Variants in C1orf54 observed in about 807,000 individuals in gnomAD.
C1orf54 encodes the protein uncharacterized protein C1orf54.
In C1orf54, 12 loss-of-function variants were observed where a neutral mutation model predicts 14.7. The observed-to-expected ratio is 0.82, with a 90% CI of 0.52 to 1.32. The LOEUF (loss-of-function observed/expected upper bound fraction) is 1.32, where lower values mean the gene tolerates loss of function less well. Among genes scored for constraint, C1orf54 ranks in the 40% most tolerant of loss-of-function variants. The pLI is 0.00. For missense variants in C1orf54, 163 were observed against 162.2 expected (o/e 1.00, Z -0.03); for synonymous variants, 65 against 56.3 (o/e 1.16, Z -0.70).
upstream of C1orf54, among the ~76,000 whole-genome samples, chr1:150,272,020 G>A (rs1459415625): frequency 2.0e-5 from 3 of 152,068 alleles, no homozygotes; most frequent in South Asian, 2.1e-4. Context: ...CGCGCCTGTA[G>A]TCCCAGCTAC....
Position 150,279,749 on chromosome 1 carries a change from T to C in C1orf54, c.*3+8T>C. On this transcript the variant is annotated splice_region_variant and intron_variant, in intron 5 of 5. Coordinates refer to ENST00000369099, the MANE Select transcript of C1orf54 (RefSeq NM_024579.4). ...ATGTATTTCATGTAGAAGGTAAGAGTGCAGCCACTGGCTTTGGGGGAGTCT... is the reference window on the plus strand; with the variant it reads ...ATGTATTTCATGTAGAAGGTAAGAGCGCAGCCACTGGCTTTGGGGGAGTCT... 6.2e-7 allele frequency: 1 copy of C among 1,600,242 alleles called. No individual in the cohort carries two copies. The highest frequency in any genetic ancestry group is 8.5e-7 in the Non-Finnish European group (1 of 1,169,986).
chr1:150,276,484 C>T (rs376397420), intron 3 of C1orf54, 38 bp from the exon 4 acceptor site: 2 of 1,527,446 alleles, frequency 1.3e-6, no homozygotes, highest in Non-Finnish European at 1.8e-6. Flanking sequence ...GATGGAAAAA[C>T]TGATAACTCT....
At position 150,272,895 on chromosome 1, in the gene C1orf54, C is replaced by T; in HGVS notation, c.46+32C>T. On this transcript the variant is annotated intron_variant, in intron 1 of 5. Transcript: ENST00000369099. ...CCACTCCTCTCTCTGAGCTTTTGTG[C>T]CAGGTCTTCTACCATAAATGGGGTG... 4 of 1,612,308 alleles carry T rather than the reference C, an allele frequency of 2.5e-6. No homozygotes were observed. The Middle Eastern group carries it at 6.6e-4, about 266-fold the overall frequency.
chr1:150,280,816 T>A lies in C1orf54; in HGVS notation c.*4-19T>A. 2 of 1,548,788 alleles carry A rather than the reference T, an allele frequency of 1.3e-6. No individual in the cohort carries two copies. The highest frequency in any genetic ancestry group is 1.7e-6 in the Non-Finnish European group (2 of 1,146,110). On this transcript the variant is annotated intron_variant, in intron 5 of 5. Coordinates refer to ENST00000369099, the MANE Select transcript of C1orf54 (RefSeq NM_024579.4). ...GTCTCCTGACTCCTTTTATTTTCTT[T>A]CTTTCTCTGCTTTTTTAGGTGGAAG...
rs782763677 is a variant in C1orf54 at position 150,276,611 on chromosome 1, GAAA to G, written c.280_282del (p.Lys94del). On this transcript the variant is annotated inframe_deletion, in exon 4 of 6. Transcript: ENST00000369099. ...CAGACCATCCGAAGCCTGTAACTGT[GAAA>G]CCAGTAACAACGGAACCTGTGAGTT... The G allele has an allele frequency of 6.2e-7, 1 of 1,613,794 alleles. No individual in the cohort carries two copies. Among genetic ancestry groups the G allele is most frequent in the Admixed American group, 1.7e-5 (1 of 60,014 alleles).
intron 4 of C1orf54, among the ~76,000 whole-genome samples, chr1:150,277,362 G>A (rs981098162): frequency 2.0e-5 from 3 of 151,960 alleles, no homozygotes; most frequent in East Asian, 1.9e-4. Flanking sequence ...AGTTAGCCAG[G>A]CGTGGTGGTG....
chr1:150,273,957 G>A, intron 1 of C1orf54, 130 bp from the exon 2 acceptor site: 1 of 670,674 alleles, frequency 1.5e-6, no homozygotes. Context: ...TATGACTATT[G>A]GAGGAGAGAG....
chr1:150,275,591 C>T (rs1652584864), intron 2 of C1orf54, 150 bp from the exon 3 acceptor site: 4 of 602,148 alleles, frequency 6.6e-6, no homozygotes, highest in Middle Eastern at 4.7e-4. Flanking sequence ...CATTCACAGT[C>T]ATTTTTAACA....
At chr1:150,278,218 G>A (rs1466737353) in intron 4 of C1orf54, among the ~76,000 whole-genome samples, 1 of 152,222 alleles carries the variant, frequency 6.6e-6, no homozygotes, top group Non-Finnish European at 1.5e-5. Flanking sequence ...ATTATGAATG[G>A]AGAGGAGAAA....
chr1:150,271,453 A>G (rs1652200758), upstream of C1orf54, among the ~76,000 whole-genome samples: 1 of 152,236 alleles, frequency 6.6e-6, no homozygotes, highest in Non-Finnish European at 1.5e-5. Flanking sequence ...GACCATTGAC[A>G]GGAGGCTGTA....
chr1:150,277,646 A>T (rs1652779635), intron 4 of C1orf54, among the ~76,000 whole-genome samples: 1 of 152,032 alleles, frequency 6.6e-6, no homozygotes, highest in African/African-American at 2.4e-5. Context: ...AAAATATAAA[A>T]TTTACAAGGC....
In C1orf54 at chr1:150,275,752, G is replaced by A. The variant is rs1553852321; in HGVS notation, c.142G>A (p.Ala48Thr). 1.9e-6 allele frequency: 3 copies of A among 1,611,462 alleles called. No homozygotes were observed. The South Asian group carries it at 3.3e-5, about 18-fold the overall frequency. The change falls in exon 3 of 6, where the codon GCA (alanine) becomes ACA (threonine). Residue 48 changes from alanine (A) to threonine (T), a missense_variant. Physicochemically the swap from Ala to Thr is moderately conservative, Grantham distance 58 (BLOSUM62 0). Transcript: ENST00000369099. ...TVTPSYDDFS[A>T]DFTIDYSIFE... ...TTTCTCCTCTGCAGATGACTTTAGT[G>A]CAGATTTCACCATTGATTACTCCAT...
chr1:150,279,510 A>G (rs1560046372), intron 4 of C1orf54, 133 bp from the exon 5 acceptor site: 3 of 842,236 alleles, frequency 3.6e-6, no homozygotes, highest in Non-Finnish European at 5.7e-6. Flanking sequence ...GGAAGGATGG[A>G]TCTTTCTCTA....
At chr1:150,272,967 G>A in intron 1 of C1orf54, 104 bp downstream of exon 1, 1 of 1,285,174 alleles carries the variant, frequency 7.8e-7, no homozygotes, top group South Asian at 1.2e-5. Context: ...TCAGTGGGGA[G>A]CGATAGAGTT....
In C1orf54 at chr1:150,279,663, C is replaced by A. The variant is rs1437016863; in HGVS notation, c.321C>A (p.Ala107=). Residue 107 remains alanine (A), a synonymous_variant, in exon 5 of 6, where the codon GCC becomes GCA. Coordinates refer to ENST00000369099, the MANE Select transcript of C1orf54 (RefSeq NM_024579.4). ...TTEPSPDLND[A]VSSLRSPIPL... is the part of the protein sequence containing the mutation. ...AGCAGAGTCCAGATCTGAACGATGC[C>A]GTGTCCAGTTTGCGAAGTCCTATTC... The A allele has an allele frequency of 1.2e-6, 2 of 1,612,502 alleles. No homozygotes were observed. Among genetic ancestry groups the A allele is most frequent in the Admixed American group, 3.3e-5 (2 of 59,772 alleles).
At chr1:150,280,788 C>G in intron 5 of C1orf54, 47 bp from the exon 6 acceptor site, 2 of 1,484,402 alleles carry the variant, frequency 1.3e-6, no homozygotes, top group Non-Finnish European at 1.8e-6. Context: ...AGGGGTTTCT[C>G]GGGTCTCCTG....
chr1:150,268,790 G>A (rs1238885368), upstream of C1orf54: 3 of 1,613,296 alleles, frequency 1.9e-6, no homozygotes, highest in African/African-American at 4.0e-5. Context: ...AAGTGCAGCC[G>A]AAAAACACCG....
chr1:150,272,588 T>A, upstream of C1orf54: 1 of 561,618 alleles, frequency 1.8e-6, no homozygotes. Flanking sequence ...AAGAAACATG[T>A]TTGCATCAAA....
chr1:150,279,669 C>G lies in C1orf54; in HGVS notation c.327C>G (p.Ser109=), dbSNP rs1652942383. Residue 109 remains serine, a synonymous_variant, in exon 5 of 6, where the codon TCC becomes TCG. Coordinates refer to ENST00000369099, the MANE Select transcript of C1orf54 (RefSeq NM_024579.4). ...EPSPDLNDAV[S]SLRSPIPLLL... ...GTCCAGATCTGAACGATGCCGTGTC[C>G]AGTTTGCGAAGTCCTATTCCCCTCC... The G allele has an allele frequency of 1.9e-6, 3 of 1,612,720 alleles. No individual in the cohort carries two copies. Among genetic ancestry groups the G allele is most frequent in the Non-Finnish European group, 2.5e-6 (3 of 1,179,424 alleles).
Sources: gnomAD v4.1 joint callset for allele counts (sites outside exome capture counted in the v4.1 genomes callset) on GRCh38, gnomAD v4.1.1 for gene constraint, MANE v1.5 for transcripts, NCBI Gene and HGNC (gene_info 2026-07-23, HGNC 2026-07-21) for gene names.